Variants in HFM1 observed in about 807,000 individuals in gnomAD.
The protein encoded by HFM1 is helicase for meiosis 1.
A neutral mutation model predicts 192.1 loss-of-function variants in HFM1; 169 were observed. That is an observed-to-expected ratio of 0.88 (90% CI 0.78 to 1.00). The LOEUF (loss-of-function observed/expected upper bound fraction) is 1.00. Among genes scored for constraint, HFM1 ranks in the 50% least tolerant of loss-of-function variants. The pLI is 0.00. For missense variants in HFM1, 1,661 were observed against 1,668.0 expected, an observed-to-expected ratio of 1.00 and a Z score of 0.07; for synonymous variants, 525 against 537.8, an observed-to-expected ratio of 0.98 and a Z score of 0.33.
At chr1:91,370,885 C>T (rs1052136735) in intron 13 of HFM1, among the ~76,000 whole-genome samples, 1 of 152,188 alleles carries the variant, frequency 6.6e-6, no homozygotes, top group Non-Finnish European at 1.5e-5. Flanking sequence ...TAGATAACTT[C>T]AGCAAAGTCT....
Position 91,267,733 on chromosome 1 carries a change from G to A in HFM1, c.3883+12C>T, listed in dbSNP as rs1177088934. On this transcript the variant is annotated intron_variant, in intron 35 of 38. Coordinates refer to ENST00000370425, the MANE Select transcript of HFM1 (RefSeq NM_001017975.6). ...TCCTAATGAAATGATTGCATGCTAA[G>A]TATGATTTTACCTGATATTTTTGTC... is the stretch of plus-strand genomic sequence containing the variant. The A allele has an allele frequency of 1.4e-5, 16 of 1,145,182 alleles. No homozygotes were observed. Among genetic ancestry groups the A allele is most frequent in the Non-Finnish European group, 1.8e-5 (14 of 799,986 alleles). The allele number at this position is 1,145,182 out of a possible 1,614,324, so 70.9% of individuals were successfully genotyped here. A position where few individuals can be genotyped will look rare whatever the true frequency, so the allele number is the denominator to read the frequency against.
rs943612786 is a variant in HFM1, at chr1:91,299,736, T to C, written c.3391+13613A>G. On this transcript the variant is annotated intron_variant, in intron 30 of 38. Coordinates refer to ENST00000370425, the MANE Select transcript of HFM1 (RefSeq NM_001017975.6). Reference sequence around the variant, plus strand: ...AAATAAAGATGTTCTTTGAAACCAATGAGAACAAAGACACAACATACCAGA... The same window carrying C: ...AAATAAAGATGTTCTTTGAAACCAACGAGAACAAAGACACAACATACCAGA... 5.9e-5 allele frequency among the ~76,000 whole-genome samples: 9 copies of C among 152,080 alleles called. No homozygotes were observed. The South Asian group carries it at 6.2e-4, about 11-fold the overall frequency.
At chr1:91,312,031 A>C (rs1233783664) in intron 30 of HFM1, among the ~76,000 whole-genome samples, 1 of 152,234 alleles carries the variant, frequency 6.6e-6, no homozygotes, top group East Asian at 1.9e-4. Context: ...GGTACACAGA[A>C]GTCAAGAATC....
At position 91,341,412 on chromosome 1, in the gene HFM1, ATC is replaced by A. The variant is rs557353210; in HGVS notation, c.2335+2016_2335+2017del. Among the ~76,000 whole-genome samples the A allele has an allele frequency of 2.6e-5, 4 of 152,342 alleles. No homozygotes were observed. In the South Asian group the frequency reaches 8.3e-4, roughly 32 times the overall value. ...GAAAACAAAGGCAGAACATAGCAGA[ATC>A]TCTGATATACAGGTAAAACAATGTT... On this transcript the variant is annotated intron_variant, in intron 20 of 38. Transcript: ENST00000370425.
intron 20 of HFM1, among the ~76,000 whole-genome samples, chr1:91,331,648 C>T (rs1447542670): frequency 6.6e-6 from 1 of 152,182 alleles, no homozygotes. Flanking sequence ...GTAATCCCAG[C>T]ATTTTGGAAG....
At chr1:91,321,561 C>A (rs931065025) in intron 23 of HFM1, among the ~76,000 whole-genome samples, 3 of 152,068 alleles carry the variant, frequency 2.0e-5, no homozygotes, top group African/African-American at 7.2e-5. Context: ...ATTTGAAGTT[C>A]AGCAAAGTAA....
intron 30 of HFM1, among the ~76,000 whole-genome samples, chr1:91,303,540 G>T (rs972877292): frequency 3.9e-5 from 6 of 152,122 alleles, no homozygotes; most frequent in African/African-American, 1.2e-4. Context: ...GAGTACAATT[G>T]CTGTATCATA....
intron 15 of HFM1, 27 bp downstream of exon 15, chr1:91,353,024 T>C (rs1657161767): frequency 7.4e-7 from 1 of 1,351,488 alleles, no homozygotes; most frequent in Admixed American, 1.9e-5. Context: ...TATTTTATAG[T>C]ATCCACGAGA....
At chr1:91,296,759 T>A (rs369908549) in intron 30 of HFM1, among the ~76,000 whole-genome samples, 1 of 152,214 alleles carries the variant, frequency 6.6e-6, no homozygotes, top group African/African-American at 2.4e-5. Flanking sequence ...TATTACAAGG[T>A]TGATATTTTA....
chr1:91,313,376 T>A lies in HFM1; in HGVS notation c.3364A>T (p.Ile1122Leu). 1.9e-6 allele frequency: 3 copies of A among 1,586,772 alleles called. No homozygotes were observed. Among genetic ancestry groups the A allele is most frequent in the Non-Finnish European group, 1.7e-6 (2 of 1,160,658 alleles). Residue 1122 changes from isoleucine to leucine, a missense_variant, in exon 30 of 39, where the codon ATA (isoleucine) becomes TTA (leucine). Coordinates refer to ENST00000370425, the MANE Select transcript of HFM1 (RefSeq NM_001017975.6). The part of the protein sequence containing the change: ...TQISHSKHSD[I>L]STIAGPNKGT... Reference sequence around the variant, plus strand: ...TTATTAGGTCCTGCTATTGTAGATATGTCTGAATGTTTAGAATGGGAAATC... The same window carrying A: ...TTATTAGGTCCTGCTATTGTAGATAAGTCTGAATGTTTAGAATGGGAAATC...
intron 13 of HFM1, 48 bp downstream of exon 13, chr1:91,375,310 T>C (rs545147513): frequency 6.0e-6 from 8 of 1,341,530 alleles, no homozygotes; most frequent in East Asian, 4.6e-5. Flanking sequence ...GTCATCTAGA[T>C]GAGCCCTAAA....
intron 13 of HFM1, among the ~76,000 whole-genome samples, chr1:91,355,803 G>A (rs1377004375): frequency 6.6e-6 from 1 of 152,078 alleles, no homozygotes; most frequent in Non-Finnish European, 1.5e-5. Context: ...AATAATGATA[G>A]ATTAACCAGA....
chr1:91,292,716 T>A (rs577321991), intron 30 of HFM1, among the ~76,000 whole-genome samples: 1 of 151,986 alleles, frequency 6.6e-6, no homozygotes, highest in Non-Finnish European at 1.5e-5. Flanking sequence ...AAAGTTCATA[T>A]GGAACAAAAA....
At chr1:91,283,979 G>A (rs1169571259) in intron 30 of HFM1, among the ~76,000 whole-genome samples, 2 of 151,476 alleles carry the variant, frequency 1.3e-5, no homozygotes, top group East Asian at 3.9e-4. Flanking sequence ...TGCAATTCAT[G>A]GTTTTACTTT....
chr1:91,353,299 C>A lies in HFM1; in HGVS notation c.1686G>T (p.Arg562Ser). The A allele has an allele frequency of 2.0e-5, 31 of 1,529,808 alleles. No individual in the cohort carries two copies. The highest frequency in any genetic ancestry group is 2.6e-5 in the Non-Finnish European group (29 of 1,113,524). 94.8% of individuals were successfully genotyped at this position (1,529,808 alleles called of 1,614,324 possible). ...KFIMTVEQKQ[R>S]LQKYAYSVRD... ...TTACGGAATATGCATACTTCTGTAA[C>A]CTATTTAAAAATACCATAAAATTAT... is the stretch of plus-strand genomic sequence containing the variant. Residue 562 changes from arginine (R) to serine (S), a missense_variant and splice_region_variant, in exon 14 of 39, where the codon AGG becomes AGT. Transcript: ENST00000370425.
chr1:91,312,569 A>G (rs1281010640), intron 30 of HFM1, among the ~76,000 whole-genome samples: 2 of 152,170 alleles, frequency 1.3e-5, no homozygotes, highest in Non-Finnish European at 2.9e-5. Context: ...CTGTACCCCC[A>G]TTATATCTAG....
rs1653331595 is a variant in HFM1, at chr1:91,328,751, GA to G, written c.2336-3986del. 4 of 1,610,630 alleles carry G rather than the reference GA, an allele frequency of 2.5e-6. No homozygotes were observed. In the East Asian group the frequency reaches 6.7e-5, roughly 27 times the overall value. ...GGCTGCTGGGGCCGAGCAGGTGGTG[GA>G]AAAATTCACTAAGTGGCTGGTGAAG... is the stretch of plus-strand genomic sequence containing the variant. On this transcript the variant is annotated intron_variant, in intron 20 of 38. Coordinates refer to ENST00000370425, the MANE Select transcript of HFM1 (RefSeq NM_001017975.6).
intron 13 of HFM1, among the ~76,000 whole-genome samples, chr1:91,359,462 G>C (rs564309216): frequency 6.6e-6 from 1 of 151,214 alleles, no homozygotes; most frequent in Admixed American, 6.6e-5. Flanking sequence ...CAATGCAATC[G>C]CAAGTATCAA....
intron 1 of HFM1, among the ~76,000 whole-genome samples, chr1:91,404,286 A>G (rs1292888953): frequency 6.6e-6 from 1 of 152,220 alleles, no homozygotes; most frequent in Non-Finnish European, 1.5e-5. Context: ...CCTAAGGAGA[A>G]TATCCTAAAT....
Sources: allele counts gnomAD v4.1 joint callset (sites outside exome capture counted in the v4.1 genomes callset), GRCh38; gene constraint gnomAD v4.1.1; transcripts MANE v1.5; gene names NCBI Gene and HGNC (gene_info 2026-07-23, HGNC 2026-07-21).